The following MARCHF1 variants were observed in gnomAD, a reference collection of about 807,000 sequenced individuals.
The protein encoded by MARCHF1 is membrane associated ring-CH-type finger 1, also known as E3 ubiquitin-protein ligase MARCHF1.
In MARCHF1, 40 loss-of-function variants were observed where a neutral mutation model predicts 54.2. That is an observed-to-expected ratio of 0.74 (90% CI 0.57 to 0.96). MARCHF1 has a LOEUF of 0.96. Ranked by LOEUF, MARCHF1 falls within the 40% of genes least tolerant of loss-of-function variation. MARCHF1 has a pLI of 0.00. For missense variants in MARCHF1, 586 were observed against 656.5 expected, an observed-to-expected ratio of 0.89 and a Z score of 1.17; for synonymous variants, 236 against 236.3, an observed-to-expected ratio of 1.00 and a Z score of 0.01.
intron 5 of MARCHF1, chr4:163,613,668 T>A (rs2110934704): frequency 7.4e-7 from 1 of 1,354,656 alleles, no homozygotes; most frequent in East Asian, 2.6e-5. Context: ...CTATTTACTG[T>A]AATCATTTGA....
intron 4 of MARCHF1, among the ~76,000 whole-genome samples, chr4:163,850,918 A>T (rs1383441507): frequency 6.6e-6 from 1 of 152,198 alleles, no homozygotes; most frequent in Admixed American, 6.6e-5. Context: ...CTTATTGAGC[A>T]AAATGGCTGG....
At chr4:163,634,140 T>C (rs943772906) in intron 5 of MARCHF1, among the ~76,000 whole-genome samples, 1 of 151,982 alleles carries the variant, frequency 6.6e-6, no homozygotes, top group Admixed American at 6.5e-5. Context: ...TGCTGCAAAA[T>C]CATGCCAAAA....
At chr4:163,822,198 CT>C (rs936234749) in intron 4 of MARCHF1, among the ~76,000 whole-genome samples, 3 of 151,524 alleles carry the variant, frequency 2.0e-5, no homozygotes, top group African/African-American at 4.8e-5. Context: ...GGTTTGTATA[CT>C]TTTTTTTAAT....
At chr4:164,020,760 A>C (rs1442207963) in intron 2 of MARCHF1, among the ~76,000 whole-genome samples, 1 of 152,140 alleles carries the variant, frequency 6.6e-6, no homozygotes, top group African/African-American at 2.4e-5. Context: ...GAGAAACCCC[A>C]TCTCTACAAA....
intron 3 of MARCHF1, among the ~76,000 whole-genome samples, chr4:163,950,289 C>CG: frequency 1.3e-5 from 2 of 152,312 alleles, no homozygotes; most frequent in East Asian, 3.9e-4. Context: ...CTTATCAGTG[C>CG]CCAAAGTCCA....
chr4:164,372,046 G>A (rs1731051396), intron 1 of MARCHF1, among the ~76,000 whole-genome samples: 1 of 152,152 alleles, frequency 6.6e-6, no homozygotes, highest in Non-Finnish European at 1.5e-5. Flanking sequence ...CGGCATTCCA[G>A]CCTGGGTGAC....
chr4:164,284,882 C>T (rs536529370), intron 1 of MARCHF1, among the ~76,000 whole-genome samples: 1 of 151,146 alleles, frequency 6.6e-6, no homozygotes. Flanking sequence ...TATGGTTGAG[C>T]TTTTTACTTC....
chr4:164,197,331 G>T, intron 1 of MARCHF1: 5 of 1,612,360 alleles, frequency 3.1e-6, no homozygotes, highest in Non-Finnish European at 4.2e-6. Flanking sequence ...CGTTTTCTCC[G>T]TAGTCGTTCA....
chr4:163,921,091 CTG>C (rs1351124289), intron 3 of MARCHF1, among the ~76,000 whole-genome samples: 1 of 152,120 alleles, frequency 6.6e-6, no homozygotes, highest in East Asian at 1.9e-4. Flanking sequence ...TACCAAATGT[CTG>C]TGTTTCTATA....
intron 5 of MARCHF1, among the ~76,000 whole-genome samples, chr4:163,688,998 G>A (rs570672389): frequency 6.6e-6 from 1 of 152,222 alleles, no homozygotes; most frequent in East Asian, 1.9e-4. Flanking sequence ...ATGGTCAGTG[G>A]CAAGGAATGA....
chr4:163,794,825 A>G (rs779834660), intron 4 of MARCHF1, among the ~76,000 whole-genome samples: 8 of 152,194 alleles, frequency 5.3e-5, no homozygotes, highest in Non-Finnish European at 1.2e-4. Context: ...ATTTTGAAAC[A>G]GAACACATGA....
Position 164,079,163 on chromosome 4 carries a change from A to T in MARCHF1, c.-248+32425T>A, listed in dbSNP as rs117395383. 1.5e-3 allele frequency among the ~76,000 whole-genome samples: 229 copies of T among 151,914 alleles called. 5 individuals carry two copies. In the East Asian group the frequency reaches 0.036, roughly 24 times the overall value. On this transcript the variant is annotated intron_variant, in intron 2 of 9. Coordinates refer to ENST00000514618, the MANE Select transcript of MARCHF1 (RefSeq NM_001394959.1). ...TGAATTATTACCTACTTCTTATTCC[A>T]TTGTAAAGTAGATTTTATACTATGG...
intron 4 of MARCHF1, among the ~76,000 whole-genome samples, chr4:163,837,496 A>G (rs967080250): frequency 4.6e-5 from 7 of 152,170 alleles, no homozygotes; most frequent in African/African-American, 1.7e-4. Context: ...ATGAAAATAC[A>G]TATCAAACAA....
intron 8 of MARCHF1, among the ~76,000 whole-genome samples, chr4:163,568,765 C>A (rs1002767761): frequency 8.6e-5 from 13 of 152,044 alleles, no homozygotes. Context: ...TACAGTTGCA[C>A]AAATTTGTCT....
intron 1 of MARCHF1, among the ~76,000 whole-genome samples, chr4:164,245,468 C>G (rs913817302): frequency 1.3e-5 from 2 of 152,058 alleles, no homozygotes; most frequent in Non-Finnish European, 2.9e-5. Flanking sequence ...TAAGAGCTAT[C>G]TATGACAAAC....
At chr4:163,529,619 G>C (rs186621938) in intron 9 of MARCHF1, among the ~76,000 whole-genome samples, 7 of 152,032 alleles carry the variant, frequency 4.6e-5, no homozygotes, top group Admixed American at 4.6e-4. Flanking sequence ...GTACAAACAT[G>C]CAAAAGATTT....
At chr4:163,697,165 G>A (rs80317627) in intron 5 of MARCHF1, among the ~76,000 whole-genome samples, 6,682 of 152,136 alleles carry the variant, frequency 0.044, 413 homozygotes, top group East Asian at 0.22. Context: ...AGGGGAGCTC[G>A]TAAGAGCCTC....
At chr4:163,627,757 G>A (rs1741922624) in intron 5 of MARCHF1, among the ~76,000 whole-genome samples, 1 of 151,536 alleles carries the variant, frequency 6.6e-6, no homozygotes, top group African/African-American at 2.4e-5. Flanking sequence ...TGGGAGAATA[G>A]AGTGTCTAGA....
intron 9 of MARCHF1, among the ~76,000 whole-genome samples, chr4:163,539,530 A>C (rs1738657344): frequency 6.6e-6 from 1 of 152,232 alleles, no homozygotes; most frequent in African/African-American, 2.4e-5. Context: ...GTAGGTTAAG[A>C]GCGGGGCTTT....
Sources: allele counts gnomAD v4.1 joint callset (sites outside exome capture counted in the v4.1 genomes callset), GRCh38; gene constraint gnomAD v4.1.1; transcripts MANE v1.5; gene names NCBI Gene and HGNC (gene_info 2026-07-23, HGNC 2026-07-21).